Variants in KDM7A observed in about 807,000 individuals in gnomAD.
KDM7A encodes lysine demethylase 7A, also known as lysine-specific demethylase 7A.
In KDM7A, 28 loss-of-function variants were observed where a neutral mutation model predicts 114.8. The ratio of observed to expected loss-of-function variants is 0.24; its 90% confidence interval spans 0.18 to 0.33. The LOEUF (loss-of-function observed/expected upper bound fraction) is 0.33, where lower values mean the gene tolerates loss of function less well. Among genes scored for constraint, KDM7A ranks in the 10% least tolerant of loss-of-function variants. The pLI is 1.00. For synonymous variants in KDM7A, 423 were observed against 397.8 expected (o/e 1.06, Z -0.75); for missense variants, 942 against 1,142.5 (o/e 0.82, Z 2.53).
intron 1 of KDM7A, among the ~76,000 whole-genome samples, chr7:140,171,890 GACTAT>G (rs879748398): frequency 6.6e-5 from 10 of 152,010 alleles, no homozygotes; most frequent in Non-Finnish European, 1.5e-4. Context: ...TCCATTTTAT[GACTAT>G]ACTATAATAT....
At chr7:140,093,093 A>G (rs1196538112) in intron 18 of KDM7A, among the ~76,000 whole-genome samples, 3 of 152,204 alleles carry the variant, frequency 2.0e-5, no homozygotes, top group Admixed American at 2.0e-4. Context: ...AAAACCACCC[A>G]TAATTCTACT....
In KDM7A at chr7:140,096,691, A is replaced by C; in HGVS notation, c.2238T>G (p.Tyr746Ter). The change falls in exon 17 of 20, where the codon TAT (tyrosine) becomes TAG (stop). Residue 746 changes from tyrosine to a stop codon, truncating the protein, a stop_gained. Transcript: ENST00000397560. LOFTEE classifies it high-confidence loss of function. ...QGMLSMAGLH[Y>*]STCLQRQIQS... ...GTATTTGCCTTTGTAAACACGTGGA[A>C]TAGTGCAACCCTGCCATAGACAGCA... The C allele has an allele frequency of 1.2e-6, 2 of 1,614,200 alleles. No homozygotes were observed. The highest frequency in any genetic ancestry group is 1.7e-6 in the Non-Finnish European group (2 of 1,180,018).
At chr7:140,106,537 A>C (rs560607093) in intron 11 of KDM7A, among the ~76,000 whole-genome samples, 1 of 152,124 alleles carries the variant, frequency 6.6e-6, no homozygotes, top group Non-Finnish European at 1.5e-5. Flanking sequence ...CCTTCATTTC[A>C]TTATGTACCC....
intron 1 of KDM7A, among the ~76,000 whole-genome samples, chr7:140,153,218 T>G (rs1265363043): frequency 6.6e-6 from 1 of 151,726 alleles, no homozygotes; most frequent in African/African-American, 2.4e-5. Flanking sequence ...CTTTGCATGG[T>G]AGTGCAGGAC....
chr7:140,106,779 G>C (rs1818344296), intron 11 of KDM7A, among the ~76,000 whole-genome samples: 2 of 152,202 alleles, frequency 1.3e-5, no homozygotes, highest in Non-Finnish European at 2.9e-5. Context: ...TTGGGGTGGA[G>C]AGTTCTGTAG....
At chr7:140,122,257 T>C (rs896407174) in intron 7 of KDM7A, among the ~76,000 whole-genome samples, 1 of 152,250 alleles carries the variant, frequency 6.6e-6, no homozygotes, top group African/African-American at 2.4e-5. Context: ...CATACTGAAA[T>C]AGCATTTCAT....
At position 140,091,913 on chromosome 7, in the gene KDM7A, G is replaced by T; in HGVS notation, c.2622C>A (p.Gly874=). The change falls in exon 19 of 20, where the codon GGC becomes GGA. Residue 874 remains glycine (G), a synonymous_variant. Transcript: ENST00000397560. ...CAACTGGCCTTTCTGGGCTTAGACT[G>T]CCATTACTTATCTGGCACGCCCCCG... The part of the protein sequence containing the change: ...LTSGACQISN[G]SLSPERPVGE... 1 of 1,613,938 alleles carries T rather than the reference G, an allele frequency of 6.2e-7. No homozygotes were observed. The highest frequency in any genetic ancestry group is 1.1e-5 in the South Asian group (1 of 91,054).
At chr7:140,114,000 G>C (rs1265322912) in intron 9 of KDM7A, among the ~76,000 whole-genome samples, 2 of 151,978 alleles carry the variant, frequency 1.3e-5, no homozygotes, top group Admixed American at 6.6e-5. Flanking sequence ...ATATAGAAAG[G>C]TTTCAAATAA....
In KDM7A at chr7:140,128,809, G is replaced by C. The variant is rs574532018; in HGVS notation, c.559+684C>G. ...TAATCTCAAATATTCTCTATCTACT[G>C]CTGACAAGAAATGACATCTACATAT... is the stretch of plus-strand genomic sequence containing the variant. On this transcript the variant is annotated intron_variant, in intron 4 of 19. Coordinates refer to ENST00000397560, the MANE Select transcript of KDM7A (RefSeq NM_030647.2). Among the ~76,000 whole-genome samples, 37 of 152,238 alleles carry C rather than the reference G, an allele frequency of 2.4e-4. No individual in the cohort carries two copies. In the South Asian group the frequency reaches 7.5e-3, roughly 31 times the overall value.
At chr7:140,166,285 T>A (rs148117485) in intron 1 of KDM7A, among the ~76,000 whole-genome samples, 1 of 151,672 alleles carries the variant, frequency 6.6e-6, no homozygotes, top group East Asian at 1.9e-4. Flanking sequence ...AAACTCAACA[T>A]CCATTCATGA....
intron 1 of KDM7A, among the ~76,000 whole-genome samples, chr7:140,162,872 C>T (rs150451337): frequency 2.6e-3 from 400 of 152,184 alleles, no homozygotes; most frequent in African/African-American, 7.8e-3. Context: ...GTGGTAAATC[C>T]ACAGAATAGA....
chr7:140,133,268 A>G (rs1818818243), intron 3 of KDM7A, among the ~76,000 whole-genome samples: 1 of 152,190 alleles, frequency 6.6e-6, no homozygotes, highest in African/African-American at 2.4e-5. Flanking sequence ...AACTTTTTGG[A>G]CTGTGGCCCA....
At chr7:140,124,245 C>A (rs1818661998) in intron 7 of KDM7A, among the ~76,000 whole-genome samples, 1 of 151,678 alleles carries the variant, frequency 6.6e-6, no homozygotes. Context: ...GAAGTGACTG[C>A]TAAAGAGTAT....
chr7:140,131,245 G>A (rs1032781532), intron 3 of KDM7A, among the ~76,000 whole-genome samples: 12 of 152,202 alleles, frequency 7.9e-5, no homozygotes, highest in Admixed American at 1.3e-4. Flanking sequence ...TGATCAACAC[G>A]TTACAGGCAT....
chr7:140,097,901 A>AT (rs1289210782), intron 14 of KDM7A, among the ~76,000 whole-genome samples: 1 of 152,220 alleles, frequency 6.6e-6, no homozygotes, highest in African/African-American at 2.4e-5. Context: ...ACTTGGATGG[A>AT]TTGACTGTTT....
Position 140,133,706 on chromosome 7 carries a change from T to G in KDM7A, c.281-50A>C, listed in dbSNP as rs766882095. 1.6e-5 allele frequency: 16 copies of G among 970,414 alleles called. No individual in the cohort carries two copies. In the South Asian group the frequency reaches 2.2e-4, roughly 14 times the overall value. The allele number at this position is 970,414 out of a possible 1,614,324, so 60.1% of individuals were successfully genotyped here. On this transcript the variant is annotated intron_variant, in intron 2 of 19. Transcript: ENST00000397560. ...AAATGATTTTGGTAACTGGTGATAC[T>G]ATGTGATTTCTAATCATTATATCCG...
At chr7:140,095,571 T>C (rs139197594) in intron 17 of KDM7A, 161 of 234,956 alleles carry the variant, frequency 6.9e-4, no homozygotes, top group African/African-American at 3.1e-3. Flanking sequence ...TACCTACAAG[T>C]ATTGTTTTAA....
chr7:140,093,547 C>T (rs1324248616), intron 18 of KDM7A, among the ~76,000 whole-genome samples: 2 of 152,204 alleles, frequency 1.3e-5, no homozygotes, highest in Non-Finnish European at 2.9e-5. Context: ...GGTTGTATCA[C>T]TTCTCTTGTT....
chr7:140,093,553 T>C (rs1226253890), intron 18 of KDM7A, among the ~76,000 whole-genome samples: 1 of 152,238 alleles, frequency 6.6e-6, no homozygotes, highest in African/African-American at 2.4e-5. Context: ...ATCACTTCTC[T>C]TGTTTGGTGC....
Sources: allele counts gnomAD v4.1 joint callset (sites outside exome capture counted in the v4.1 genomes callset), GRCh38; gene constraint gnomAD v4.1.1; transcripts MANE v1.5; gene names NCBI Gene and HGNC (gene_info 2026-07-23, HGNC 2026-07-21).